Variants in TNPO3 observed in about 807,000 individuals in gnomAD.
TNPO3 encodes transportin-3.
In TNPO3, 65 loss-of-function variants were observed where a neutral mutation model predicts 122.8. The observed-to-expected ratio is 0.53, with a 90% confidence interval of 0.43 to 0.65. The LOEUF (loss-of-function observed/expected upper bound fraction) is 0.65, where lower values mean the gene tolerates loss of function less well. Ranked by LOEUF, TNPO3 falls within the 30% of genes least tolerant of loss-of-function variation. TNPO3 has a pLI of 0.00. For synonymous variants in TNPO3, 372 were observed against 411.2 expected, an observed-to-expected ratio of 0.90 and a Z score of 1.15; for missense variants, 850 against 1,136.7, an observed-to-expected ratio of 0.75 and a Z score of 3.63.
At chr7:128,970,074 G>C in intron 20 of TNPO3, 74 bp downstream of exon 20, 1 of 1,579,482 alleles carries the variant, frequency 6.3e-7, no homozygotes, top group African/African-American at 1.3e-5. Context: ...TTCAAAATTA[G>C]GGTTGGCCTT....
At chr7:129,014,374 T>G (rs929978876) in intron 4 of TNPO3, among the ~76,000 whole-genome samples, 5 of 152,132 alleles carry the variant, frequency 3.3e-5, no homozygotes, top group Admixed American at 6.5e-5. Flanking sequence ...AATAAAAAAT[T>G]TAGCTGGGCA....
chr7:129,034,471 A>C (rs1806328096), intron 1 of TNPO3, among the ~76,000 whole-genome samples: 4 of 152,222 alleles, frequency 2.6e-5, no homozygotes, highest in Admixed American at 2.6e-4. Context: ...ACGCCACTGC[A>C]TTCCAGCCTG....
At chr7:128,998,866 T>A (rs1303175111) in intron 7 of TNPO3, among the ~76,000 whole-genome samples, 1 of 151,384 alleles carries the variant, frequency 6.6e-6, no homozygotes, top group African/African-American at 2.4e-5. Flanking sequence ...TTTATTTATT[T>A]TTTTTGAGAT....
At chr7:129,048,553 C>A (rs917218199) in intron 1 of TNPO3, among the ~76,000 whole-genome samples, 1 of 151,482 alleles carries the variant, frequency 6.6e-6, no homozygotes, top group Non-Finnish European at 1.5e-5. Context: ...ACAAAGAGAG[C>A]CTTATTGAGT....
rs147093584 is a variant in TNPO3 at position 129,011,156 on chromosome 7, A to T, written c.552+3823T>A. 6.5e-3 allele frequency among the ~76,000 whole-genome samples: 994 copies of T among 152,316 alleles called. 7 individuals carry two copies. The highest frequency in any genetic ancestry group is 0.023 in the African/African-American group (955 of 41,546). On this transcript the variant is annotated intron_variant, in intron 4 of 22. Coordinates refer to ENST00000265388, the MANE Select transcript of TNPO3 (RefSeq NM_012470.4). ...GAGGAAATACAGAGAAAAGAAAAACATGCTAAAGGAAACGAAGGAGAGGCA... is the reference window on the plus strand; with the variant it reads ...GAGGAAATACAGAGAAAAGAAAAACTTGCTAAAGGAAACGAAGGAGAGGCA...
intron 20 of TNPO3, 48 bp downstream of exon 20, chr7:128,970,100 A>C: frequency 6.2e-7 from 1 of 1,611,696 alleles, no homozygotes; most frequent in South Asian, 1.1e-5. Context: ...ACCAAAGCCT[A>C]TTACATTTAG....
At chr7:129,008,155 AAAG>A (rs2150402447) in intron 4 of TNPO3, among the ~76,000 whole-genome samples, 1 of 152,104 alleles carries the variant, frequency 6.6e-6, no homozygotes, top group African/African-American at 2.4e-5. Context: ...TCTAAAAAAA[AAAG>A]AAGGAAGAAT....
chr7:128,993,437 A>T (rs1415522449), intron 9 of TNPO3, among the ~76,000 whole-genome samples: 2 of 152,196 alleles, frequency 1.3e-5, no homozygotes, highest in South Asian at 2.1e-4. Flanking sequence ...AGTTACCAGG[A>T]GTTGGTACGT....
chr7:129,046,321 A>C (rs1230958518), intron 1 of TNPO3, among the ~76,000 whole-genome samples: 1 of 152,112 alleles, frequency 6.6e-6, no homozygotes, highest in Non-Finnish European at 1.5e-5. Flanking sequence ...TCTCTGGGAG[A>C]AAGATCTTTG....
chr7:128,970,112 G>A (rs755848450), intron 20 of TNPO3, 36 bp downstream of exon 20: 10 of 1,612,532 alleles, frequency 6.2e-6, no homozygotes, highest in African/African-American at 1.3e-5. Flanking sequence ...TACATTTAGG[G>A]ACTATGAGAT....
At chr7:128,984,295 C>T (rs377296072) in intron 12 of TNPO3, 36 bp from the exon 13 acceptor site, 83 of 1,512,148 alleles carry the variant, frequency 5.5e-5, no homozygotes, top group East Asian at 1.4e-4. Context: ...GAAAAATAAA[C>T]GCTGAATTGA....
chr7:128,968,562 T>C (rs925347401), intron 20 of TNPO3, among the ~76,000 whole-genome samples: 2 of 152,362 alleles, frequency 1.3e-5, no homozygotes, highest in Non-Finnish European at 2.9e-5. Flanking sequence ...TAATTTTTTT[T>C]ACATTATATA....
chr7:128,984,965 C>T (rs12535158), intron 12 of TNPO3, among the ~76,000 whole-genome samples: 13,724 of 152,160 alleles, frequency 0.09, 857 homozygotes, highest in South Asian at 0.15. Context: ...AAGGTCCAGA[C>T]CCTTCCTACT....
At chr7:129,018,221 C>A in intron 1 of TNPO3, 64 bp from the exon 2 acceptor site, 1 of 1,488,878 alleles carries the variant, frequency 6.7e-7, no homozygotes. Flanking sequence ...ATGACATAAC[C>A]TCAATACTTA....
intron 8 of TNPO3, among the ~76,000 whole-genome samples, chr7:128,994,243 C>T (rs1397146041): frequency 6.6e-6 from 1 of 151,582 alleles, no homozygotes; most frequent in Non-Finnish European, 1.5e-5. Context: ...CTGCACCCTC[C>T]GCCTCCCAGG....
chr7:129,048,503 C>G (rs973228440), intron 1 of TNPO3, among the ~76,000 whole-genome samples: 2 of 152,118 alleles, frequency 1.3e-5, no homozygotes, highest in African/African-American at 4.8e-5. Context: ...GCACTCCGGC[C>G]TGGGCAACAG....
chr7:129,039,049 C>T (rs368931003), intron 1 of TNPO3, among the ~76,000 whole-genome samples: 6 of 152,172 alleles, frequency 3.9e-5, no homozygotes, highest in South Asian at 4.1e-4. Flanking sequence ...AAAAAGCATA[C>T]GAAAAGATGC....
At chr7:129,035,232 C>CCACTG (rs201424879) in intron 1 of TNPO3, among the ~76,000 whole-genome samples, 6,794 of 152,260 alleles carry the variant, frequency 0.045, 210 homozygotes, top group Middle Eastern at 0.11. Context: ...CGAGATAGAG[C>CCACTG]CACTGCAGTC....
At chr7:129,004,162 T>C (rs1584566576) in intron 5 of TNPO3, among the ~76,000 whole-genome samples, 1 of 152,194 alleles carries the variant, frequency 6.6e-6, no homozygotes, top group African/African-American at 2.4e-5. Flanking sequence ...AAATGTCTCC[T>C]TGAAAAATGT....
Sources: gnomAD v4.1 joint callset for allele counts (sites outside exome capture counted in the v4.1 genomes callset) on GRCh38, gnomAD v4.1.1 for gene constraint, MANE v1.5 for transcripts, NCBI Gene and HGNC (gene_info 2026-07-23, HGNC 2026-07-21) for gene names.